Variants in DPP10 observed in about 807,000 individuals in gnomAD.
DPP10 encodes the protein dipeptidyl peptidase like 10.
A neutral mutation model predicts 120.9 loss-of-function variants in DPP10; 33 were observed. The observed-to-expected ratio is 0.27, with a 90% CI of 0.21 to 0.37. The LOEUF (loss-of-function observed/expected upper bound fraction) is 0.37, where lower values mean the gene tolerates loss of function less well. DPP10 is among the 10% of genes least tolerant of loss of function. DPP10 has a pLI of 1.00. For synonymous variants in DPP10, 337 were observed against 326.1 expected (o/e 1.03, Z -0.36); for missense variants, 816 against 942.8 (o/e 0.87, Z 1.76).
intron 1 of DPP10, among the ~76,000 whole-genome samples, chr2:115,229,350 C>T (rs1401664091): frequency 6.6e-6 from 1 of 152,138 alleles, no homozygotes; most frequent in Non-Finnish European, 1.5e-5. Flanking sequence ...TTGATTGTTT[C>T]CTTTGCTGTG....
At chr2:114,462,048 CAG>C (rs1678961128) in intron 1 of DPP10, 1 of 985,172 alleles carries the variant, frequency 1.0e-6, no homozygotes, top group African/African-American at 1.7e-5. Context: ...AAAACTGGAG[CAG>C]AGTGTGATAT....
At position 115,002,535 on chromosome 2, in the gene DPP10, A is replaced by G. The variant is rs550259821; in HGVS notation, c.61-306704A>G. On this transcript the variant is annotated intron_variant, in intron 1 of 25. Transcript: ENST00000410059. ...TTGATAAATGGCATCTAATTGAACT[A>G]AAGAGCTACTGCTCGGCAAAATAAA... 1.2e-4 allele frequency among the ~76,000 whole-genome samples: 18 copies of G among 152,292 alleles called. 1 individual carries two copies. In the Middle Eastern group the frequency reaches 0.014, roughly 115 times the overall value.
chr2:115,816,144 G>A (rs1384023343), intron 21 of DPP10, among the ~76,000 whole-genome samples: 1 of 152,114 alleles, frequency 6.6e-6, no homozygotes, highest in African/African-American at 2.4e-5. Flanking sequence ...ACAAAATGGG[G>A]CTTTGTTTTC....
intron 5 of DPP10, among the ~76,000 whole-genome samples, chr2:115,638,131 T>C (rs1272859544): frequency 6.6e-6 from 1 of 152,244 alleles, no homozygotes; most frequent in African/African-American, 2.4e-5. Flanking sequence ...CTGCCTAATT[T>C]TAATGGGTAC....
intron 1 of DPP10, among the ~76,000 whole-genome samples, chr2:115,216,770 G>T (rs1329760980): frequency 3.3e-5 from 5 of 152,088 alleles, no homozygotes; most frequent in African/African-American, 1.2e-4. Context: ...GGGCAATGGA[G>T]TGAGACTCTG....
intron 5 of DPP10, among the ~76,000 whole-genome samples, chr2:115,599,186 T>C (rs1347548141): frequency 6.6e-6 from 1 of 152,152 alleles, no homozygotes; most frequent in Non-Finnish European, 1.5e-5. Context: ...TGGCATTTGC[T>C]CAACTATTAA....
intron 1 of DPP10, among the ~76,000 whole-genome samples, chr2:114,996,774 G>C (rs1391477609): frequency 6.6e-6 from 1 of 151,928 alleles, no homozygotes; most frequent in Non-Finnish European, 1.5e-5. Flanking sequence ...ACGAAGTCAG[G>C]AGATTGAGAC....
chr2:114,943,644 A>G (rs1697136919), intron 1 of DPP10, among the ~76,000 whole-genome samples: 1 of 152,166 alleles, frequency 6.6e-6, no homozygotes, highest in Admixed American at 6.5e-5. Flanking sequence ...TGCTATTGTG[A>G]ATAGTGCTGC....
intron 1 of DPP10, among the ~76,000 whole-genome samples, chr2:114,503,340 C>A (rs1226419419): frequency 6.6e-6 from 1 of 152,118 alleles, no homozygotes; most frequent in Non-Finnish European, 1.5e-5. Context: ...TTGATTTGGT[C>A]TTCAATATCT....
At chr2:115,078,975 CTT>C (rs1053083819) in intron 1 of DPP10, among the ~76,000 whole-genome samples, 20 of 152,230 alleles carry the variant, frequency 1.3e-4, no homozygotes, top group Non-Finnish European at 2.6e-4. Context: ...CTATGATAAA[CTT>C]AAGGTTATCA....
chr2:115,603,781 A>G (rs1354970368), intron 5 of DPP10, among the ~76,000 whole-genome samples: 4 of 151,980 alleles, frequency 2.6e-5, no homozygotes, highest in African/African-American at 9.7e-5. Context: ...AAGATGTGAG[A>G]GAAACACAAG....
At chr2:115,813,357 C>T (rs572075361) in intron 19 of DPP10, among the ~76,000 whole-genome samples, 10 of 152,142 alleles carry the variant, frequency 6.6e-5, no homozygotes, top group East Asian at 3.9e-4. Flanking sequence ...TGCAGACGAC[C>T]GCCCTCTTTG....
At chr2:114,942,340 CGT>C (rs1697002159) in intron 1 of DPP10, among the ~76,000 whole-genome samples, 2 of 108,334 alleles carry the variant, frequency 1.8e-5, no homozygotes, top group Admixed American at 1.1e-4. Flanking sequence ...TATATATATA[CGT>C]ATATATACAT....
At chr2:115,157,070 C>T (rs1380802021) in intron 1 of DPP10, among the ~76,000 whole-genome samples, 2 of 152,024 alleles carry the variant, frequency 1.3e-5, no homozygotes, top group African/African-American at 2.4e-5. Context: ...AACATGACAA[C>T]AGCAGGTAAA....
chr2:114,902,389 G>C lies in DPP10; in HGVS notation c.61-406850G>C, dbSNP rs75454409. On this transcript the variant is annotated intron_variant, in intron 1 of 25. Coordinates refer to ENST00000410059, the MANE Select transcript of DPP10 (RefSeq NM_020868.6). ...TGTCATAAATCAAGCATTTAAAAAT[G>C]CAACAGTCTATTTCTGGACTCTGTG... 7.9e-3 allele frequency among the ~76,000 whole-genome samples: 1,208 copies of C among 152,228 alleles called. 15 individuals are homozygous for C. The highest frequency in any genetic ancestry group is 0.028 in the African/African-American group (1,160 of 41,540).
chr2:114,748,322 G>A (rs1183204257), intron 1 of DPP10, among the ~76,000 whole-genome samples: 1 of 141,458 alleles, frequency 7.1e-6, no homozygotes, highest in Non-Finnish European at 1.5e-5. Context: ...TGTTCACGTA[G>A]GACAAAGGGA....
intron 3 of DPP10, among the ~76,000 whole-genome samples, chr2:115,369,348 A>G (rs2106390220): frequency 6.6e-6 from 1 of 152,246 alleles, no homozygotes; most frequent in South Asian, 2.1e-4. Context: ...TTATTATAAT[A>G]AAAAAGGCAT....
At chr2:115,647,410 C>T (rs2087357099) in intron 5 of DPP10, among the ~76,000 whole-genome samples, 1 of 152,072 alleles carries the variant, frequency 6.6e-6, no homozygotes, top group Non-Finnish European at 1.5e-5. Flanking sequence ...AATGGTTTAG[C>T]AGCTGGTATG....
At chr2:115,590,906 C>A (rs1197907262) in intron 5 of DPP10, among the ~76,000 whole-genome samples, 1 of 152,188 alleles carries the variant, frequency 6.6e-6, no homozygotes, top group African/African-American at 2.4e-5. Context: ...ATTTGCATTT[C>A]TCTGATGGCC....
Sources: gnomAD v4.1 joint callset for allele counts (sites outside exome capture counted in the v4.1 genomes callset) on GRCh38, gnomAD v4.1.1 for gene constraint, MANE v1.5 for transcripts, NCBI Gene and HGNC (gene_info 2026-07-23, HGNC 2026-07-21) for gene names.